Variants in PVT1 observed in about 807,000 individuals in gnomAD.
PVT1 encodes Pvt1 oncogene.
At chr8:127,994,971 G>T (rs1335640504) in intron 4 of PVT1, among the ~76,000 whole-genome samples, 1 of 152,182 alleles carries the variant, frequency 6.6e-6, no homozygotes, top group Non-Finnish European at 1.5e-5. Flanking sequence ...AATCTCATCT[G>T]GACATACTCA....
At chr8:127,842,759 T>G (rs1307825067) in intron 2 of PVT1, among the ~76,000 whole-genome samples, 1 of 152,152 alleles carries the variant, frequency 6.6e-6, no homozygotes, top group Non-Finnish European at 1.5e-5. Flanking sequence ...TTTTCATCCC[T>G]GAGCCAATTA....
chr8:127,897,899 GA>G (rs869080886), intron 3 of PVT1, among the ~76,000 whole-genome samples: 1 of 99,608 alleles, frequency 1.0e-5, no homozygotes, highest in African/African-American at 3.6e-5. Flanking sequence ...AAGAAAGAAA[GA>G]AAAAAAGACA....
At chr8:127,948,005 T>C (rs1437253526) in intron 3 of PVT1, 1 of 437,030 alleles carries the variant, frequency 2.3e-6, no homozygotes, top group South Asian at 1.6e-5. Flanking sequence ...TGCCTTTCTT[T>C]AATCTGAAAC....
chr8:127,898,811 C>T lies in PVT1; in HGVS notation n.782+7813C>T, dbSNP rs899479011. On this transcript the variant is annotated intron_variant and non_coding_transcript_variant, in intron 3 of 10. Coordinates refer to ENST00000651587, the Ensembl canonical transcript of PVT1. This position sits in a 1 kb window ranked among gnomAD's most constrained non-coding sequence, Gnocchi z 4.4. ...CACGCTGATAGCTGGATTTCCAGTG[C>T]AGTTGCTGGGGATGGGGGTCTTTCC... Among the ~76,000 whole-genome samples, 1 of 152,184 alleles carries T rather than the reference C, an allele frequency of 6.6e-6. No homozygotes were observed. The highest frequency in any genetic ancestry group is 2.4e-5 in the African/African-American group (1 of 41,442).
At chr8:127,927,636 A>G (rs879308158) in intron 3 of PVT1, among the ~76,000 whole-genome samples, 1 of 152,112 alleles carries the variant, frequency 6.6e-6, no homozygotes, top group South Asian at 2.1e-4. Flanking sequence ...ATTAGAGGCT[A>G]TGTTCTGGAG....
At chr8:127,820,250 C>T (rs773179054) in intron 2 of PVT1, among the ~76,000 whole-genome samples, 5 of 152,164 alleles carry the variant, frequency 3.3e-5, no homozygotes, top group Admixed American at 6.5e-5. Flanking sequence ...CAGTAGGTCA[C>T]GGGGCCAAGG....
intron 3 of PVT1, among the ~76,000 whole-genome samples, chr8:127,920,695 T>C (rs1237131617): frequency 6.6e-6 from 1 of 152,206 alleles, no homozygotes; most frequent in Non-Finnish European, 1.5e-5. Flanking sequence ...AAAATTGAGT[T>C]TATAAAGAGT....
intron 4 of PVT1, among the ~76,000 whole-genome samples, chr8:128,051,619 G>A (rs1025405107): frequency 1.3e-5 from 2 of 151,708 alleles, no homozygotes; most frequent in Non-Finnish European, 2.9e-5. Context: ...AGTCCCATAG[G>A]TTTTCTTTTT....
intron 2 of PVT1, among the ~76,000 whole-genome samples, chr8:127,865,844 C>G (rs1815281125): frequency 1.3e-5 from 2 of 152,166 alleles, no homozygotes; most frequent in African/African-American, 4.8e-5. Context: ...GGAGTGGGAG[C>G]TGAGGGCAGT....
At chr8:127,845,249 G>A (rs1815019167) in intron 2 of PVT1, among the ~76,000 whole-genome samples, 1 of 152,204 alleles carries the variant, frequency 6.6e-6, no homozygotes, top group African/African-American at 2.4e-5. Context: ...GAGGTGGCTT[G>A]TTTCCTTGGA....
At chr8:127,984,849 CT>C (rs1324192778) in intron 3 of PVT1, among the ~76,000 whole-genome samples, 11 of 20,056 alleles carry the variant, frequency 5.5e-4, no homozygotes, top group Non-Finnish European at 1.1e-3. Flanking sequence ...TTCTTTCTTT[CT>C]TTCTTTCTTT....
intron 3 of PVT1, among the ~76,000 whole-genome samples, chr8:127,933,557 G>A (rs1450071163): frequency 6.6e-6 from 1 of 152,208 alleles, no homozygotes; most frequent in Admixed American, 6.5e-5. Context: ...TGCGTGAGAT[G>A]TGTGCTGTGT....
chr8:128,077,978 A>G (rs77206490), intron 5 of PVT1, among the ~76,000 whole-genome samples: 5,128 of 152,312 alleles, frequency 0.034, 188 homozygotes, highest in African/African-American at 0.093. Flanking sequence ...GTGAACTAGA[A>G]TGGGCAGAGA....
chr8:128,085,855 C>T (rs1814249541), intron 5 of PVT1, among the ~76,000 whole-genome samples: 1 of 152,078 alleles, frequency 6.6e-6, no homozygotes, highest in Admixed American at 6.6e-5. Flanking sequence ...AAACGAGATC[C>T]CCAAGATTAG....
At chr8:127,892,080 G>T (rs541714012) in intron 3 of PVT1, among the ~76,000 whole-genome samples, 2 of 152,304 alleles carry the variant, frequency 1.3e-5, no homozygotes, top group South Asian at 4.1e-4. Flanking sequence ...GGCATGTGGC[G>T]GCCAAGACCA....
Position 128,090,592 on chromosome 8 carries a change from A to C in PVT1, n.1115-5926A>C, listed in dbSNP as rs117438347. The stretch of plus-strand genomic sequence containing the variant: ...GAGGATGGGGGGCTGAGGAGAAGTC[A>C]GAGGTTCAGGGAGGACCCAGGTCAT... On this transcript the variant is annotated intron_variant and non_coding_transcript_variant, in intron 5 of 10. Transcript: ENST00000651587. 1.4e-3 allele frequency among the ~76,000 whole-genome samples: 214 copies of C among 152,258 alleles called. 4 individuals are homozygous for C. In the East Asian group the frequency reaches 0.033, roughly 23 times the overall value.
chr8:127,916,419 A>G (rs950061947), intron 3 of PVT1, among the ~76,000 whole-genome samples: 4 of 152,198 alleles, frequency 2.6e-5, no homozygotes, highest in Non-Finnish European at 4.4e-5. Context: ...GAACAAGTGC[A>G]TGAATGAGTA....
chr8:127,809,749 G>T (rs568739930), intron 2 of PVT1, among the ~76,000 whole-genome samples: 8 of 152,298 alleles, frequency 5.3e-5, no homozygotes, highest in Admixed American at 3.3e-4. Flanking sequence ...CGAAGACAGA[G>T]TTCCCTTCCG....
Position 127,888,857 on chromosome 8 carries a change from A to G in PVT1, n.373-1732A>G, listed in dbSNP as rs78735165. On this transcript the variant is annotated intron_variant and non_coding_transcript_variant, in intron 2 of 10. Transcript: ENST00000651587. ...GTCAGACTTCCAGAAATGTAAGATC[A>G]TAAGTGTGTGCTGTTTTATTTTTTA... 6.2e-3 allele frequency among the ~76,000 whole-genome samples: 939 copies of G among 152,372 alleles called. 13 individuals carry two copies. Among genetic ancestry groups the G allele is most frequent in the African/African-American group, 0.021 (885 of 41,584 alleles).
Sources: allele counts gnomAD v4.1 joint callset (sites outside exome capture counted in the v4.1 genomes callset), GRCh38; gene constraint gnomAD v4.1.1; non-coding constraint Gnocchi (gnomAD v3.1); transcripts MANE v1.5; gene names NCBI Gene and HGNC (gene_info 2026-07-23, HGNC 2026-07-21).